ASIC2: variants seen among roughly 807,000 people sequenced by gnomAD.
The protein encoded by ASIC2 is acid-sensing ion channel 2.
ASIC2 carries 25 observed loss-of-function variants against 57.3 expected under a neutral mutation model. The ratio of observed to expected loss-of-function variants is 0.44; its 90% CI spans 0.32 to 0.61. ASIC2 has a LOEUF of 0.61. Ranked by LOEUF, ASIC2 falls within the 20% of genes least tolerant of loss-of-function variation. ASIC2 has a pLI of 0.06. For missense variants in ASIC2, 641 were observed against 738.1 expected, an observed-to-expected ratio of 0.87 and a Z score of 1.52; for synonymous variants, 319 against 307.5, an observed-to-expected ratio of 1.04 and a Z score of -0.39.
chr17:33,143,201 T>A (rs114166473), intron 1 of ASIC2, among the ~76,000 whole-genome samples: 1,669 of 152,260 alleles, frequency 0.011, 30 homozygotes, highest in African/African-American at 0.038. Context: ...GATGCTAGCT[T>A]CAGGTGAAAT....
intron 1 of ASIC2, among the ~76,000 whole-genome samples, chr17:33,715,641 A>C (rs750288547): frequency 6.6e-6 from 1 of 152,188 alleles, no homozygotes; most frequent in Non-Finnish European, 1.5e-5. Flanking sequence ...TATCTTTCTC[A>C]TTCTGGTTTA....
At chr17:34,148,908 G>A (rs973800805) in intron 1 of ASIC2, among the ~76,000 whole-genome samples, 11 of 152,114 alleles carry the variant, frequency 7.2e-5, no homozygotes, top group Admixed American at 6.5e-4. Flanking sequence ...AGCTAACATT[G>A]ATTGGATGTG....
chr17:33,365,680 G>T (rs933074798), intron 1 of ASIC2, among the ~76,000 whole-genome samples: 1 of 151,710 alleles, frequency 6.6e-6, no homozygotes, highest in Non-Finnish European at 1.5e-5. Flanking sequence ...CTTCTTCCTG[G>T]CCATTAGCTA....
chr17:33,630,103 G>T (rs567964788), intron 1 of ASIC2, among the ~76,000 whole-genome samples: 2 of 152,248 alleles, frequency 1.3e-5, no homozygotes, highest in South Asian at 4.1e-4. Flanking sequence ...TTGCCCCAGG[G>T]ATGTTTCTGC....
intron 1 of ASIC2, among the ~76,000 whole-genome samples, chr17:33,802,595 A>G (rs1228144730): frequency 6.6e-6 from 1 of 152,226 alleles, no homozygotes. Flanking sequence ...AACAACAGAA[A>G]TACATAACAT....
At chr17:33,042,859 G>A (rs1469578562) in intron 3 of ASIC2, among the ~76,000 whole-genome samples, 1 of 152,146 alleles carries the variant, frequency 6.6e-6, no homozygotes, top group Non-Finnish European at 1.5e-5. Flanking sequence ...CCCCAATATG[G>A]GAAACATTGC....
At position 33,355,417 on chromosome 17, in the gene ASIC2, C is replaced by T. The variant is rs1908337743; in HGVS notation, c.556-243350G>A. On this transcript the variant is annotated intron_variant, in intron 1 of 9. Transcript: ENST00000359872. Reference sequence around the variant, plus strand: ...GAGAAGCAGTCTGGGGGTCAAAGCCCATCTGAGCAAAAAACAGTAAAGCAG... The same window carrying T: ...GAGAAGCAGTCTGGGGGTCAAAGCCTATCTGAGCAAAAAACAGTAAAGCAG... Among the ~76,000 whole-genome samples, 3 of 145,246 alleles carry T rather than the reference C, an allele frequency of 2.1e-5. No individual in the cohort carries two copies. The Admixed American group carries it at 2.1e-4, about 10-fold the overall frequency.
chr17:33,333,447 G>A (rs558275097), intron 1 of ASIC2, among the ~76,000 whole-genome samples: 5 of 152,280 alleles, frequency 3.3e-5, no homozygotes, highest in African/African-American at 1.2e-4. Flanking sequence ...ACTTCTTATG[G>A]TAAAATATGT....
At chr17:33,621,727 C>A (rs1457071938) in intron 1 of ASIC2, among the ~76,000 whole-genome samples, 15 of 152,144 alleles carry the variant, frequency 9.9e-5, no homozygotes, top group Admixed American at 9.8e-4. Flanking sequence ...TTCCTGGGGG[C>A]CTCTGTCACC....
At chr17:33,591,820 CG>C (rs1904836977) in intron 1 of ASIC2, among the ~76,000 whole-genome samples, 1 of 152,142 alleles carries the variant, frequency 6.6e-6, no homozygotes, top group Non-Finnish European at 1.5e-5. Context: ...TCTCCTTGCT[CG>C]GTCCCCCTTC....
At chr17:33,395,361 G>A (rs1910039709) in intron 1 of ASIC2, among the ~76,000 whole-genome samples, 1 of 152,168 alleles carries the variant, frequency 6.6e-6, no homozygotes, top group Non-Finnish European at 1.5e-5. Flanking sequence ...AATCATGGTG[G>A]AAGGCAAGGA....
At position 34,076,601 on chromosome 17, in the gene ASIC2, T is replaced by C. The variant is rs752021422; in HGVS notation, c.555+79377A>G. On this transcript the variant is annotated intron_variant, in intron 1 of 9. Transcript: ENST00000359872. ...GGCCTTCCATACATAATTGTTGTTA[T>C]GAAGAATGGAGCTTTGAGGGCTCTC... Among the ~76,000 whole-genome samples the C allele has an allele frequency of 3.9e-5, 6 of 152,242 alleles. 1 individual carries two copies. The highest frequency in any genetic ancestry group is 2.1e-4 in the South Asian group (1 of 4,830).
intron 1 of ASIC2, among the ~76,000 whole-genome samples, chr17:34,066,675 A>G (rs560984153): frequency 9.8e-5 from 15 of 152,316 alleles, no homozygotes. Context: ...TATCATGATG[A>G]CAGCTGAGTC....
intron 1 of ASIC2, among the ~76,000 whole-genome samples, chr17:33,394,965 T>C (rs1230644540): frequency 6.6e-6 from 1 of 151,346 alleles, no homozygotes; most frequent in Non-Finnish European, 1.5e-5. Context: ...ATCCATCCAT[T>C]TTTCCATTCA....
intron 1 of ASIC2, among the ~76,000 whole-genome samples, chr17:33,341,833 C>A (rs1305088212): frequency 6.6e-6 from 1 of 152,132 alleles, no homozygotes. Flanking sequence ...CTAGAGGGGG[C>A]TCTGAGGAAG....
At chr17:33,207,793 A>C (rs564307431) in intron 1 of ASIC2, among the ~76,000 whole-genome samples, 13 of 152,272 alleles carry the variant, frequency 8.5e-5, no homozygotes, top group African/African-American at 3.1e-4. Flanking sequence ...TCTCCACCAA[A>C]GACTCCATCA....
intron 1 of ASIC2, among the ~76,000 whole-genome samples, chr17:33,871,323 TTTTG>T (rs1914400202): frequency 6.6e-6 from 1 of 152,146 alleles, no homozygotes; most frequent in Admixed American, 6.5e-5. Flanking sequence ...ATGGAAAGTA[TTTTG>T]GGCAGCACTT....
At chr17:33,560,805 G>A (rs1916049669) in intron 1 of ASIC2, among the ~76,000 whole-genome samples, 1 of 152,050 alleles carries the variant, frequency 6.6e-6, no homozygotes, top group South Asian at 2.1e-4. Flanking sequence ...CATACGTTAG[G>A]ATCTATTATT....
intron 1 of ASIC2, among the ~76,000 whole-genome samples, chr17:33,528,943 G>A (rs141378101): frequency 6.6e-6 from 1 of 152,328 alleles, no homozygotes; most frequent in Non-Finnish European, 1.5e-5. Context: ...CTCAGGGAAT[G>A]GTGAGGAAAA....
Sources: allele counts gnomAD v4.1 joint callset (sites outside exome capture counted in the v4.1 genomes callset), GRCh38; gene constraint gnomAD v4.1.1; transcripts MANE v1.5; gene names NCBI Gene and HGNC (gene_info 2026-07-23, HGNC 2026-07-21).